GABRB2: variants seen among roughly 807,000 people sequenced by gnomAD.
GABRB2 encodes gamma-aminobutyric acid receptor subunit beta-2.
Under a neutral mutation model 54.7 loss-of-function variants are expected in GABRB2, and 16 were observed. The ratio of observed to expected loss-of-function variants is 0.29; its 90% CI spans 0.20 to 0.44. GABRB2 has a LOEUF of 0.44. Ranked by LOEUF, GABRB2 falls within the 20% of genes least tolerant of loss-of-function variation. The pLI is 1.00. For synonymous variants in GABRB2, 244 were observed against 233.8 expected (o/e 1.04, Z -0.40); for missense variants, 355 against 644.0 (o/e 0.55, Z 4.86).
intron 5 of GABRB2, among the ~76,000 whole-genome samples, chr5:161,393,188 A>G (rs970836292): frequency 6.6e-6 from 1 of 151,672 alleles, no homozygotes; most frequent in Non-Finnish European, 1.5e-5. Context: ...AAGTATAACA[A>G]TCAAGTTGCA....
chr5:161,486,412 C>G (rs1758922635), intron 3 of GABRB2, among the ~76,000 whole-genome samples: 1 of 151,944 alleles, frequency 6.6e-6, no homozygotes, highest in Admixed American at 6.6e-5. Flanking sequence ...CCCATTGACT[C>G]TAAATTCCTG....
At chr5:161,504,924 G>T (rs1486193518) in intron 3 of GABRB2, among the ~76,000 whole-genome samples, 6 of 151,836 alleles carry the variant, frequency 4.0e-5, no homozygotes, top group Non-Finnish European at 7.4e-5. Flanking sequence ...AATATGAATA[G>T]GCCAATAACT....
chr5:161,350,393 A>G (rs1453292050), intron 5 of GABRB2, among the ~76,000 whole-genome samples: 4 of 152,124 alleles, frequency 2.6e-5, no homozygotes, highest in Non-Finnish European at 5.9e-5. Context: ...TCTGTACACT[A>G]ACAACAAAGT....
intron 3 of GABRB2, among the ~76,000 whole-genome samples, chr5:161,521,852 C>T (rs1760125774): frequency 6.6e-6 from 1 of 151,736 alleles, no homozygotes; most frequent in South Asian, 2.1e-4. Context: ...GCAGGTAAAC[C>T]AAACTTTGAA....
In GABRB2 at chr5:161,326,437, G is replaced by A. The variant is rs538255973; in HGVS notation, c.1122C>T (p.Ser374=). 1 of 1,613,550 alleles carries A rather than the reference G, an allele frequency of 6.2e-7. No individual in the cohort carries two copies. The highest frequency in any genetic ancestry group is 8.5e-7 in the Non-Finnish European group (1 of 1,179,640). Residue 374 remains serine (S), a synonymous_variant, in exon 9 of 10, where the codon TCC becomes TCT. Coordinates refer to ENST00000393959, the MANE Select transcript of GABRB2 (RefSeq NM_001371727.1). ...DIKQNGTQYR[S]LWDPTGNLSP... is the part of the protein sequence containing the mutation. ...AGAGGTTTCCAGTAGGGTCCCACAA[G>A]GATCGATATTGGGTCCCATTTTGTT... is the stretch of plus-strand genomic sequence containing the variant.
At chr5:161,404,285 A>G (rs993095432) in intron 5 of GABRB2, among the ~76,000 whole-genome samples, 6 of 152,152 alleles carry the variant, frequency 3.9e-5, no homozygotes, top group African/African-American at 1.4e-4. Flanking sequence ...AAATATCAAA[A>G]TAGGACAGTG....
chr5:161,349,567 C>A (rs191678056), intron 5 of GABRB2, among the ~76,000 whole-genome samples: 2 of 152,142 alleles, frequency 1.3e-5, no homozygotes, highest in East Asian at 3.9e-4. Flanking sequence ...AGAGGTGGTG[C>A]GGTGTTCCTT....
chr5:161,500,120 A>G (rs541384592), intron 3 of GABRB2, among the ~76,000 whole-genome samples: 2 of 152,256 alleles, frequency 1.3e-5, no homozygotes, highest in South Asian at 2.1e-4. Context: ...AATTTTTATC[A>G]CCCTGAGGAT....
intron 4 of GABRB2, among the ~76,000 whole-genome samples, chr5:161,420,376 G>C (rs1756814504): frequency 6.6e-6 from 1 of 152,206 alleles, no homozygotes; most frequent in African/African-American, 2.4e-5. Flanking sequence ...AGCTACACAT[G>C]TTGGGTGTCT....
chr5:161,452,408 G>C (rs999989782), intron 4 of GABRB2, among the ~76,000 whole-genome samples: 6 of 152,234 alleles, frequency 3.9e-5, no homozygotes, highest in African/African-American at 1.2e-4. Flanking sequence ...CAGGTGTTCT[G>C]ATTTCCTGTC....
intron 3 of GABRB2, among the ~76,000 whole-genome samples, chr5:161,532,126 G>A (rs550288409): frequency 6.6e-6 from 1 of 152,228 alleles, no homozygotes; most frequent in African/African-American, 2.4e-5. Flanking sequence ...GAATGCTTGG[G>A]TGGTCAAATT....
At chr5:161,523,732 A>T (rs1330648314) in intron 3 of GABRB2, among the ~76,000 whole-genome samples, 1 of 151,578 alleles carries the variant, frequency 6.6e-6, no homozygotes, top group African/African-American at 2.4e-5. Flanking sequence ...AATAAGAACT[A>T]CACTTTGAAG....
intron 5 of GABRB2, among the ~76,000 whole-genome samples, chr5:161,392,082 G>T (rs1471043539): frequency 6.6e-6 from 1 of 152,158 alleles, no homozygotes; most frequent in East Asian, 1.9e-4. Flanking sequence ...TCAGTACCAT[G>T]ACAGCAGAGT....
rs1380693870 is a variant in GABRB2 at position 161,289,318 on chromosome 5, C to A, written c.*4763G>T. On this transcript the variant is annotated 3_prime_UTR_variant, in exon 10 of 10. Transcript: ENST00000393959. The stretch of plus-strand genomic sequence containing the variant: ...ACTCCTTTCTGGTTTTTACAATGTT[C>A]CTAGTGCATTTGGAAAATATTTTTT... 8.7e-6 allele frequency: 1 copy of A among 114,900 alleles called. No homozygotes were observed. Among genetic ancestry groups the A allele is most frequent in the Admixed American group, 1.2e-4 (1 of 8,540 alleles). The allele number at this position is 114,900 out of a possible 1,614,324, so 7.1% of individuals were successfully genotyped here. A position where few individuals can be genotyped will look rare whatever the true frequency, so the allele number is the denominator to read the frequency against.
At chr5:161,506,987 A>T (rs1051274585) in intron 3 of GABRB2, among the ~76,000 whole-genome samples, 1 of 152,162 alleles carries the variant, frequency 6.6e-6, no homozygotes, top group Non-Finnish European at 1.5e-5. Context: ...AGATAGTGAC[A>T]GATTTTTTGA....
chr5:161,478,739 T>C (rs1758668071), intron 3 of GABRB2, among the ~76,000 whole-genome samples: 1 of 152,042 alleles, frequency 6.6e-6, no homozygotes, highest in Non-Finnish European at 1.5e-5. Flanking sequence ...TATGCCTTAT[T>C]TATGCATACT....
At chr5:161,389,739 A>C (rs1309208050) in intron 5 of GABRB2, among the ~76,000 whole-genome samples, 1 of 152,018 alleles carries the variant, frequency 6.6e-6, no homozygotes, top group African/African-American at 2.4e-5. Context: ...TAATATCAGT[A>C]TCTTTAATAA....
At chr5:161,330,739 T>C (rs374867882) in intron 8 of GABRB2, 144 bp downstream of exon 8, 3 of 1,163,428 alleles carry the variant, frequency 2.6e-6, no homozygotes, top group Admixed American at 2.2e-5. Context: ...CTTCCATCAT[T>C]AATTGTTTGT....
At chr5:161,336,575 T>A (rs184738494) in intron 6 of GABRB2, 57 bp downstream of exon 6, 1 of 1,585,812 alleles carries the variant, frequency 6.3e-7, no homozygotes, top group Admixed American at 1.7e-5. Context: ...TAAGTGAACA[T>A]GTTTAACAAA....
Sources: allele counts gnomAD v4.1 joint callset (sites outside exome capture counted in the v4.1 genomes callset), GRCh38; gene constraint gnomAD v4.1.1; transcripts MANE v1.5; gene names NCBI Gene and HGNC (gene_info 2026-07-23, HGNC 2026-07-21).